The following WDR7 variants were observed in gnomAD, a reference collection of about 807,000 sequenced individuals.
The protein encoded by WDR7 is WD repeat-containing protein 7.
WDR7 carries 46 observed loss-of-function variants against 169.4 expected under a neutral mutation model. The observed-to-expected ratio is 0.27, with a 90% confidence interval of 0.21 to 0.35. The LOEUF (loss-of-function observed/expected upper bound fraction) is 0.35. WDR7 is among the 10% of genes least tolerant of loss of function. The pLI is 1.00. For synonymous variants in WDR7, 612 were observed against 666.8 expected, an observed-to-expected ratio of 0.92 and a Z score of 1.27; for missense variants, 1,534 against 1,859.3, an observed-to-expected ratio of 0.83 and a Z score of 3.22.
At chr18:57,011,183 C>T (rs1211760711) in intron 26 of WDR7, among the ~76,000 whole-genome samples, 1 of 152,120 alleles carries the variant, frequency 6.6e-6, no homozygotes, top group Admixed American at 6.5e-5. Flanking sequence ...TGCATATGCA[C>T]ATGCATGTTA....
intron 26 of WDR7, among the ~76,000 whole-genome samples, chr18:57,001,017 G>A (rs1213792521): frequency 1.4e-5 from 2 of 145,892 alleles, no homozygotes; most frequent in Non-Finnish European, 3.0e-5. Flanking sequence ...GGACAACATA[G>A]TGTAAAACCA....
At chr18:56,764,775 G>A (rs116183832) in intron 16 of WDR7, among the ~76,000 whole-genome samples, 4 of 152,064 alleles carry the variant, frequency 2.6e-5, no homozygotes, top group South Asian at 2.1e-4. Context: ...CAAGTTGCCC[G>A]TGTTCAAGTT....
intron 21 of WDR7, among the ~76,000 whole-genome samples, chr18:56,903,879 CG>C (rs2046439958): frequency 6.6e-6 from 1 of 152,110 alleles, no homozygotes; most frequent in Admixed American, 6.6e-5. Flanking sequence ...GTTGTGACCT[CG>C]TTTGATTCCA....
chr18:56,884,165 G>A (rs1339490110), intron 21 of WDR7, among the ~76,000 whole-genome samples: 2 of 152,056 alleles, frequency 1.3e-5, no homozygotes, highest in East Asian at 1.9e-4. Flanking sequence ...TAACATCCAC[G>A]ACAACATCTA....
At chr18:56,732,248 G>T (rs892130804) in intron 14 of WDR7, among the ~76,000 whole-genome samples, 1 of 152,024 alleles carries the variant, frequency 6.6e-6, no homozygotes, top group African/African-American at 2.4e-5. Context: ...GCCACTGTTT[G>T]GTCTGTGGTA....
intron 21 of WDR7, among the ~76,000 whole-genome samples, chr18:56,896,229 T>C (rs2046330750): frequency 6.6e-6 from 1 of 151,874 alleles, no homozygotes; most frequent in Admixed American, 6.6e-5. Context: ...GAGTACTGAA[T>C]ATTATAAAGA....
intron 21 of WDR7, among the ~76,000 whole-genome samples, chr18:56,914,829 G>A (rs1409617522): frequency 6.6e-6 from 1 of 151,828 alleles, no homozygotes; most frequent in African/African-American, 2.4e-5. Context: ...CTCCTATTTT[G>A]GTCTGCCATC....
intron 13 of WDR7, among the ~76,000 whole-genome samples, chr18:56,727,106 T>C (rs888146199): frequency 6.6e-6 from 1 of 152,220 alleles, no homozygotes; most frequent in Non-Finnish European, 1.5e-5. Context: ...TGTTAGTCAG[T>C]GTTCAGACAA....
At chr18:56,783,073 A>C (rs1460195506) in intron 19 of WDR7, among the ~76,000 whole-genome samples, 4 of 152,046 alleles carry the variant, frequency 2.6e-5, no homozygotes, top group Admixed American at 6.6e-5. Flanking sequence ...AAAATTCTTA[A>C]TTGTTTGAGC....
intron 14 of WDR7, among the ~76,000 whole-genome samples, chr18:56,753,811 C>T (rs555353401): frequency 2.6e-5 from 4 of 151,840 alleles, no homozygotes; most frequent in Non-Finnish European, 2.9e-5. Flanking sequence ...GGTACTAGGG[C>T]CTATTTGTTA....
chr18:56,687,650 G>A (rs368474237), intron 7 of WDR7, among the ~76,000 whole-genome samples: 8 of 152,230 alleles, frequency 5.3e-5, no homozygotes, highest in African/African-American at 1.9e-4. Flanking sequence ...TTAAAGAGAT[G>A]TGGTCTCATT....
At chr18:56,920,771 CAACT>C (rs2046706765) in intron 21 of WDR7, among the ~76,000 whole-genome samples, 2 of 152,020 alleles carry the variant, frequency 1.3e-5, no homozygotes, top group African/African-American at 4.8e-5. Context: ...TATTCAATAC[CAACT>C]GTTTAAGAAA....
intron 19 of WDR7, among the ~76,000 whole-genome samples, chr18:56,815,092 AC>A (rs1050826663): frequency 6.6e-5 from 10 of 152,166 alleles, no homozygotes; most frequent in African/African-American, 1.9e-4. Flanking sequence ...TTAAGTTAAT[AC>A]CCCTTGTTAG....
intron 20 of WDR7, 88 bp downstream of exon 20, chr18:56,816,232 T>G: frequency 8.6e-7 from 1 of 1,168,972 alleles, no homozygotes; most frequent in South Asian, 1.6e-5. Context: ...GATTAAGTAT[T>G]TCGACGGAAA....
rs1305978988 is a variant in WDR7 at position 56,938,529 on chromosome 18, G to A, written c.3832-4G>A. ...CATATCTACAGCATAGAAATGTTTTGTAGGTACACAGACATACGGCTCTTG... is the reference window on the plus strand; with the variant it reads ...CATATCTACAGCATAGAAATGTTTTATAGGTACACAGACATACGGCTCTTG... On this transcript the variant is annotated splice_polypyrimidine_tract_variant and splice_region_variant and intron_variant, in intron 23 of 27. Transcript: ENST00000254442. The A allele has an allele frequency of 3.1e-6, 5 of 1,613,172 alleles. No homozygotes were observed. The highest frequency in any genetic ancestry group is 3.3e-5 in the Admixed American group (2 of 59,866).
intron 26 of WDR7, among the ~76,000 whole-genome samples, chr18:56,966,733 C>G (rs974567129): frequency 6.6e-6 from 1 of 152,068 alleles, no homozygotes; most frequent in South Asian, 2.1e-4. Context: ...ATCAAGGATA[C>G]GGGGTTTCTG....
chr18:56,758,790 A>C (rs2144953849), intron 15 of WDR7, 75 bp from the exon 16 acceptor site: 3 of 1,140,520 alleles, frequency 2.6e-6, no homozygotes, highest in South Asian at 1.8e-5. Context: ...AGAAGTAGAA[A>C]ATTTTTTATT....
Position 57,027,638 on chromosome 18 carries a change from G to A in WDR7, c.*431G>A, listed in dbSNP as rs2048386526. The stretch of plus-strand genomic sequence containing the variant: ...TGGCCGTTCTGACACTGGGTGTTGA[G>A]GTCATGTGGCAGTCCTCACGATTGA... On this transcript the variant is annotated 3_prime_UTR_variant, in exon 28 of 28. Coordinates refer to ENST00000254442, the MANE Select transcript of WDR7 (RefSeq NM_015285.3). 2 of 178,450 alleles carry A rather than the reference G, an allele frequency of 1.1e-5. No individual in the cohort carries two copies. The highest frequency in any genetic ancestry group is 2.3e-5 in the Non-Finnish European group (2 of 85,574). The allele number at this position is 178,450 out of a possible 1,614,324, so 11.1% of individuals were successfully genotyped here. A position where few individuals can be genotyped will look rare whatever the true frequency, so the allele number is the denominator to read the frequency against.
chr18:56,691,903 A>G (rs961862375), intron 9 of WDR7, 86 bp downstream of exon 9: 47 of 1,014,648 alleles, frequency 4.6e-5, no homozygotes, highest in Non-Finnish European at 6.1e-5. Context: ...ATAGGTTTAA[A>G]AAATTTGATA....
Sources: allele counts gnomAD v4.1 joint callset (sites outside exome capture counted in the v4.1 genomes callset), GRCh38; gene constraint gnomAD v4.1.1; transcripts MANE v1.5; gene names NCBI Gene and HGNC (gene_info 2026-07-23, HGNC 2026-07-21).